RAD51B: variants seen among roughly 807,000 people sequenced by gnomAD.
RAD51B encodes the protein DNA repair protein RAD51 homolog 2.
RAD51B carries 38 observed loss-of-function variants against 42.2 expected under a neutral mutation model. That is an observed-to-expected ratio of 0.90 (90% CI 0.70 to 1.18). The LOEUF (loss-of-function observed/expected upper bound fraction) is 1.18. Ranked by LOEUF, RAD51B falls within the 50% of genes most tolerant of loss-of-function variation. The pLI, the probability that RAD51B is intolerant of heterozygous loss-of-function variation, is 0.00. For missense variants in RAD51B, 373 were observed against 400.7 expected, an observed-to-expected ratio of 0.93 and a Z score of 0.59; for synonymous variants, 154 against 145.2, an observed-to-expected ratio of 1.06 and a Z score of -0.43.
intron 10 of RAD51B, among the ~76,000 whole-genome samples, chr14:68,483,872 G>GT (rs1883398478): frequency 6.6e-6 from 1 of 152,152 alleles, no homozygotes; most frequent in East Asian, 1.9e-4. Context: ...TTTCCTTCCA[G>GT]TTTAGCCCTC....
At chr14:68,014,225 G>A (rs553872876) in intron 7 of RAD51B, among the ~76,000 whole-genome samples, 2 of 144,258 alleles carry the variant, frequency 1.4e-5, no homozygotes, top group Non-Finnish European at 3.0e-5. Flanking sequence ...CCCATTAACA[G>A]TTGATGGAGG....
rs2078413375 is a variant in RAD51B, at chr14:68,152,668, C to T, written c.757-139216C>T. ...TTGTTATATAGGGAAATTCGTATCACAGGGTTGGTTGTACAGATTATTTCA... is the reference window on the plus strand; with the variant it reads ...TTGTTATATAGGGAAATTCGTATCATAGGGTTGGTTGTACAGATTATTTCA... On this transcript the variant is annotated intron_variant, in intron 7 of 10. Transcript: ENST00000471583. Among the ~76,000 whole-genome samples, 8 of 151,700 alleles carry T rather than the reference C, an allele frequency of 5.3e-5. No homozygotes were observed. In the South Asian group the frequency reaches 1.7e-3, roughly 31 times the overall value.
intron 8 of RAD51B, among the ~76,000 whole-genome samples, chr14:68,334,724 A>G (rs905901077): frequency 4.9e-4 from 74 of 152,200 alleles, no homozygotes; most frequent in East Asian, 3.9e-4. Context: ...ACATGGTAGC[A>G]CAGATAACCT....
At chr14:68,184,052 C>G (rs2079106435) in intron 7 of RAD51B, among the ~76,000 whole-genome samples, 1 of 147,028 alleles carries the variant, frequency 6.8e-6, no homozygotes, top group East Asian at 2.0e-4. Context: ...GAGATCACGC[C>G]ACTGCACTCC....
intron 8 of RAD51B, among the ~76,000 whole-genome samples, chr14:68,380,217 G>C (rs905862368): frequency 6.6e-6 from 1 of 152,212 alleles, no homozygotes; most frequent in Admixed American, 6.5e-5. Context: ...CTTGACCAAT[G>C]AGGAGCTTAC....
Position 68,260,319 on chromosome 14 carries a change from G to GTGTGTGTGTGTGTGTGTGTGTGTGT in RAD51B, c.757-31565_757-31564insTGTGTGTGTGTGTGTGTGTGTGTGT, listed in dbSNP as rs1555383057. On this transcript the variant is annotated intron_variant, in intron 7 of 10. Coordinates refer to ENST00000471583, the MANE Select transcript of RAD51B (RefSeq NM_133510.4). ...AGACCGTGTGTGTGTGTGTGTGTGTGGAGAGGGGAAGACAGCGGGGGTAGA... is the reference window on the plus strand; with the variant it reads ...AGACCGTGTGTGTGTGTGTGTGTGTGTGTGTGTGTGTGTGTGTGTGTGTGTGAGAGGGGAAGACAGCGGGGGTAGA... Among the ~76,000 whole-genome samples, 111 of 136,112 alleles carry GTGTGTGTGTGTGTGTGTGTGTGTGT rather than the reference G, an allele frequency of 8.2e-4. 1 individual carries two copies. Among genetic ancestry groups the GTGTGTGTGTGTGTGTGTGTGTGTGT allele is most frequent in the South Asian group, 1.5e-3 (7 of 4,606 alleles). 89.3% of individuals were successfully genotyped at this position (136,112 alleles called of 152,430 possible).
At position 68,478,064 on chromosome 14, in the gene RAD51B, A is replaced by G; in HGVS notation, c.*400A>G. ...ACAAGATTTGTAATTACAGGAGGGA[A>G]CATTTCCGAATAAAGTATTGTCTAC... On this transcript the variant is annotated 3_prime_UTR_variant, in exon 11 of 11. Transcript: ENST00000471583. The G allele has an allele frequency of 1.9e-6, 2 of 1,068,514 alleles. No homozygotes were observed. The highest frequency in any genetic ancestry group is 2.3e-6 in the Non-Finnish European group (2 of 882,040). 66.2% of individuals were successfully genotyped at this position (1,068,514 alleles called of 1,614,324 possible).
At chr14:68,540,981 G>C in intron 10 of RAD51B, 2 of 985,474 alleles carry the variant, frequency 2.0e-6, no homozygotes, top group Non-Finnish European at 2.4e-6. Context: ...ACCATAAAAA[G>C]TGGTTGTTAT....
chr14:68,166,240 C>G (rs2078747895), intron 7 of RAD51B, among the ~76,000 whole-genome samples: 1 of 149,080 alleles, frequency 6.7e-6, no homozygotes, highest in Non-Finnish European at 1.5e-5. Context: ...GCCAACCTGA[C>G]AGGCATGTTG....
intron 9 of RAD51B, among the ~76,000 whole-genome samples, chr14:68,413,850 C>T (rs924279825): frequency 1.3e-5 from 2 of 152,120 alleles, no homozygotes; most frequent in Admixed American, 6.5e-5. Flanking sequence ...AGTAGCAGAA[C>T]GTGCCTAGAT....
intron 7 of RAD51B, among the ~76,000 whole-genome samples, chr14:68,277,958 G>T (rs1396433745): frequency 6.6e-6 from 1 of 152,170 alleles, no homozygotes; most frequent in African/African-American, 2.4e-5. Context: ...GGCCAGGCTG[G>T]TCTTGAACTC....
chr14:68,507,290 T>G (rs1429975106), intron 10 of RAD51B, among the ~76,000 whole-genome samples: 1 of 152,172 alleles, frequency 6.6e-6, no homozygotes, highest in African/African-American at 2.4e-5. Flanking sequence ...TCCTCGTGTG[T>G]GTTTATGGGT....
intron 8 of RAD51B, among the ~76,000 whole-genome samples, chr14:68,320,775 A>G (rs1248335415): frequency 6.6e-6 from 1 of 152,024 alleles, no homozygotes; most frequent in Non-Finnish European, 1.5e-5. Context: ...CTTCCATCCC[A>G]TCATCTGCTG....
chr14:68,286,515 G>GT (rs1190710272), intron 7 of RAD51B, among the ~76,000 whole-genome samples: 4 of 152,098 alleles, frequency 2.6e-5, no homozygotes, highest in Admixed American at 1.3e-4. Context: ...AAAATGAGCT[G>GT]TTTCTATCAA....
At chr14:68,304,248 T>C (rs563827350) in intron 8 of RAD51B, among the ~76,000 whole-genome samples, 1 of 151,894 alleles carries the variant, frequency 6.6e-6, no homozygotes, top group South Asian at 2.1e-4. Context: ...TAATATTGAG[T>C]GCCTATTATG....
chr14:68,341,287 A>G (rs1220247772), intron 8 of RAD51B, among the ~76,000 whole-genome samples: 3 of 152,208 alleles, frequency 2.0e-5, no homozygotes, highest in African/African-American at 7.2e-5. Flanking sequence ...ATACTGTATC[A>G]GAGTAGCTTC....
chr14:67,933,035 C>T (rs1352185825), intron 7 of RAD51B, among the ~76,000 whole-genome samples: 1 of 152,224 alleles, frequency 6.6e-6, no homozygotes, highest in Non-Finnish European at 1.5e-5. Context: ...CTGCTTCCAG[C>T]TCCAGACAGC....
At chr14:68,104,475 A>G (rs1486817782) in intron 7 of RAD51B, among the ~76,000 whole-genome samples, 8 of 152,202 alleles carry the variant, frequency 5.3e-5, no homozygotes, top group African/African-American at 1.9e-4. Context: ...AAACTGAGAA[A>G]CAAAGCACTT....
intron 7 of RAD51B, among the ~76,000 whole-genome samples, chr14:67,985,835 A>C (rs974838583): frequency 1.3e-5 from 2 of 152,150 alleles, no homozygotes; most frequent in African/African-American, 4.8e-5. Flanking sequence ...GCTGGAGCTC[A>C]GGAGGCGGAG....
Sources: allele counts gnomAD v4.1 joint callset (sites outside exome capture counted in the v4.1 genomes callset), GRCh38; gene constraint gnomAD v4.1.1; transcripts MANE v1.5; gene names NCBI Gene and HGNC (gene_info 2026-07-23, HGNC 2026-07-21).